STK10: variants seen among roughly 807,000 people sequenced by gnomAD.
STK10 encodes serine/threonine kinase 10.
A neutral mutation model predicts 113.8 loss-of-function variants in STK10; 78 were observed. The ratio of observed to expected loss-of-function variants is 0.69; its 90% confidence interval spans 0.57 to 0.83. The LOEUF (loss-of-function observed/expected upper bound fraction) is 0.83, where lower values mean the gene tolerates loss of function less well. Among genes scored for constraint, STK10 ranks in the 40% least tolerant of loss-of-function variants. The pLI is 0.00. For synonymous variants in STK10, 465 were observed against 494.7 expected, an observed-to-expected ratio of 0.94 and a Z score of 0.80; for missense variants, 1,109 against 1,280.1, an observed-to-expected ratio of 0.87 and a Z score of 2.04.
At chr5:172,103,493 T>C (rs1769038395) in intron 7 of STK10, among the ~76,000 whole-genome samples, 1 of 152,112 alleles carries the variant, frequency 6.6e-6, no homozygotes, top group Non-Finnish European at 1.5e-5. Flanking sequence ...TGGAATGTCC[T>C]GGAGGCCGGA....
intron 2 of STK10, 48 bp downstream of exon 2, chr5:172,156,576 C>T (rs1182209617): frequency 6.3e-7 from 1 of 1,581,774 alleles, no homozygotes; most frequent in Non-Finnish European, 8.6e-7. Flanking sequence ...AGCTCCAGAG[C>T]ACCAGGCCAT....
At chr5:172,174,159 TTTGTTG>T (rs201335043) in intron 1 of STK10, among the ~76,000 whole-genome samples, 1 of 151,930 alleles carries the variant, frequency 6.6e-6, no homozygotes, top group Non-Finnish European at 1.5e-5. Context: ...GCAGGTATTT[TTTGTTG>T]TTGTTGTTGT....
intron 1 of STK10, among the ~76,000 whole-genome samples, chr5:172,178,632 G>A (rs72845176): frequency 0.19 from 28,674 of 152,174 alleles, 2,883 homozygotes; most frequent in Middle Eastern, 0.25. Context: ...GGGAAGCTGA[G>A]GGAGGCTGAG....
At chr5:172,166,036 G>A (rs937229040) in intron 1 of STK10, among the ~76,000 whole-genome samples, 4 of 152,156 alleles carry the variant, frequency 2.6e-5, no homozygotes, top group South Asian at 2.1e-4. Context: ...CAAGTGATCC[G>A]CCCACCTTGG....
intron 12 of STK10, among the ~76,000 whole-genome samples, chr5:172,073,298 GCACAC>G (rs1768236500): frequency 6.6e-6 from 1 of 152,074 alleles, no homozygotes; most frequent in South Asian, 2.1e-4. Context: ...GATTACAGAT[GCACAC>G]CACCACATTG....
At chr5:172,125,905 T>C (rs1288661901) in intron 3 of STK10, among the ~76,000 whole-genome samples, 5 of 152,224 alleles carry the variant, frequency 3.3e-5, no homozygotes, top group South Asian at 2.1e-4. Flanking sequence ...TCTTTCGGGA[T>C]TGTACTTGAC....
intron 6 of STK10, among the ~76,000 whole-genome samples, chr5:172,106,026 C>A (rs140405309): frequency 5.3e-4 from 81 of 152,256 alleles, no homozygotes; most frequent in African/African-American, 1.8e-3. Flanking sequence ...CAGGGTGTGC[C>A]ATGTGGCTCC....
rs576346631 is a variant in STK10, at chr5:172,082,983, T to G, written c.1787A>C (p.Lys596Thr). 1.9e-6 allele frequency: 3 copies of G among 1,613,870 alleles called. No individual in the cohort carries two copies. The highest frequency in any genetic ancestry group is 4.5e-5 in the East Asian group (2 of 44,884). ...KHELQLEQMHKRFEQEINAKK... is the reference protein window; with the variant it reads ...KHELQLEQMHTRFEQEINAKK... Reference sequence around the variant, plus strand: ...CACGTTGATTTCCTGTTCAAAACGTTTATGCATTTGCTCCAGCTGCAGCTC... The same window carrying G: ...CACGTTGATTTCCTGTTCAAAACGTGTATGCATTTGCTCCAGCTGCAGCTC... Residue 596 changes from lysine (K) to threonine (T), a missense_variant, in exon 11 of 19, where the codon AAA (lysine) becomes ACA (threonine). Coordinates refer to ENST00000176763, the MANE Select transcript of STK10 (RefSeq NM_005990.4). The surrounding 1 kb of genome is among the most constrained non-coding windows in gnomAD (Gnocchi z 4.3).
intron 1 of STK10, among the ~76,000 whole-genome samples, chr5:172,180,883 C>T (rs1164399352): frequency 6.6e-6 from 1 of 152,164 alleles, no homozygotes; most frequent in Non-Finnish European, 1.5e-5. Flanking sequence ...TGTGAGAACC[C>T]TTATTTTGAA....
At chr5:172,065,662 C>G (rs1768051319) in intron 12 of STK10, among the ~76,000 whole-genome samples, 1 of 152,184 alleles carries the variant, frequency 6.6e-6, no homozygotes, top group Non-Finnish European at 1.5e-5. Flanking sequence ...GCCTCAGGAA[C>G]TGATTCAGAG....
chr5:172,045,876 G>C (rs1767484853), intron 18 of STK10, among the ~76,000 whole-genome samples: 1 of 151,712 alleles, frequency 6.6e-6, no homozygotes, highest in African/African-American at 2.4e-5. Context: ...TTTTAATAGA[G>C]AAGGGGTTTC....
chr5:172,182,140 T>C (rs949089701), intron 1 of STK10, among the ~76,000 whole-genome samples: 3 of 151,592 alleles, frequency 2.0e-5, no homozygotes, highest in Non-Finnish European at 4.4e-5. Flanking sequence ...CCGTCTCTAC[T>C]AAAAATACAA....
rs1051098916 is a variant in STK10, at chr5:172,082,182, G to A, written c.1989+144C>T. ...AGTGGCTCCTCATGGCGCAGCTTGGGCACACAGATCCAGGCTCACCTGCTC... is the reference window on the plus strand; with the variant it reads ...AGTGGCTCCTCATGGCGCAGCTTGGACACACAGATCCAGGCTCACCTGCTC... On this transcript the variant is annotated intron_variant, in intron 12 of 18. Coordinates refer to ENST00000176763, the MANE Select transcript of STK10 (RefSeq NM_005990.4). This position sits in a 1 kb window ranked among gnomAD's most constrained non-coding sequence, Gnocchi z 4.3. The A allele has an allele frequency of 1.9e-5, 16 of 838,366 alleles. No individual in the cohort carries two copies. The highest frequency in any genetic ancestry group is 2.5e-5 in the Non-Finnish European group (15 of 594,582). 51.9% of individuals were successfully genotyped at this position (838,366 alleles called of 1,614,324 possible).
chr5:172,117,079 G>A (rs983533973), intron 4 of STK10, among the ~76,000 whole-genome samples: 2 of 151,930 alleles, frequency 1.3e-5, no homozygotes, highest in Non-Finnish European at 2.9e-5. Context: ...AGGAGTTCGA[G>A]ACCAGCTTGG....
intron 1 of STK10, among the ~76,000 whole-genome samples, chr5:172,171,235 G>A (rs988684905): frequency 6.6e-6 from 1 of 152,164 alleles, no homozygotes; most frequent in African/African-American, 2.4e-5. Flanking sequence ...GTATTCTGCG[G>A]TGGGACGTTC....
rs748408095 is a variant in STK10, at chr5:172,054,452, C to T, written c.2652+117G>A. On this transcript the variant is annotated intron_variant, in intron 17 of 18. Transcript: ENST00000176763. The stretch of plus-strand genomic sequence containing the variant: ...TGGCAGGGCTGGAAACCATCCATCC[C>T]GGGCGTGTCTGATGAAGATCCTTCC... 9.7e-6 allele frequency: 14 copies of T among 1,450,150 alleles called. No individual in the cohort carries two copies. In the Admixed American group the frequency reaches 1.0e-4, roughly 11 times the overall value. The allele number at this position is 1,450,150 out of a possible 1,614,324, so 89.8% of individuals were successfully genotyped here. A position where few individuals can be genotyped will look rare whatever the true frequency, so the allele number is the denominator to read the frequency against.
intron 1 of STK10, among the ~76,000 whole-genome samples, chr5:172,159,237 C>T (rs1047645828): frequency 1.3e-5 from 2 of 152,146 alleles, no homozygotes; most frequent in Non-Finnish European, 1.5e-5. Flanking sequence ...CATGGGGTTC[C>T]AGTGTTGAAC....
chr5:172,090,454 A>G (rs974753843), intron 9 of STK10, 92 bp from the exon 10 acceptor site: 36 of 1,515,908 alleles, frequency 2.4e-5, no homozygotes, highest in Non-Finnish European at 1.6e-5. Context: ...TGCTGGGCCC[A>G]CAGCTTCAGA....
Position 172,093,792 on chromosome 5 carries a change from T to C in STK10, c.1174A>G (p.Ser392Gly), listed in dbSNP as rs1768783733. ...TTTCCAGGGGCCACGACTGGGGGACTGGTGGTTTGGAGGGATCTGTCCCCA... is the reference window on the plus strand; with the variant it reads ...TTTCCAGGGGCCACGACTGGGGGACCGGTGGTTTGGAGGGATCTGTCCCCA... The part of the protein sequence containing the change: ...PSGDRSLQTT[S>G]PPVVAPGNEN... The change falls in exon 9 of 19, where the codon AGT becomes GGT. Residue 392 changes from serine to glycine, a missense_variant. Physicochemically the swap from Ser to Gly is moderately conservative, Grantham distance 56. Around this residue, in one of 5 missense-constraint regions of STK10, gnomAD observed 885 missense variants for 991.1 expected, o/e 0.89. Coordinates refer to ENST00000176763, the MANE Select transcript of STK10 (RefSeq NM_005990.4). The surrounding 1 kb of genome is among the most constrained non-coding windows in gnomAD (Gnocchi z 4.1). The C allele has an allele frequency of 1.2e-6, 2 of 1,608,500 alleles. No homozygotes were observed. Among genetic ancestry groups the C allele is most frequent in the Admixed American group, 1.7e-5 (1 of 59,836 alleles).
Sources: allele counts gnomAD v4.1 joint callset (sites outside exome capture counted in the v4.1 genomes callset), GRCh38; gene constraint gnomAD v4.1.1; regional missense constraint gnomAD v4.1.1; non-coding constraint Gnocchi (gnomAD v3.1); transcripts MANE v1.5; gene names NCBI Gene and HGNC (gene_info 2026-07-23, HGNC 2026-07-21).